The following RIPOR1 variants were observed in gnomAD, a reference collection of about 807,000 sequenced individuals.
The protein encoded by RIPOR1 is RHO family interacting cell polarization regulator 1, also known as rho family-interacting cell polarization regulator 1.
Under a neutral mutation model 116.5 loss-of-function variants are expected in RIPOR1, and 58 were observed. That is an observed-to-expected ratio of 0.50 (90% CI 0.40 to 0.62). The LOEUF is 0.62. Ranked by LOEUF, RIPOR1 falls within the 20% of genes least tolerant of loss-of-function variation. The pLI, the probability that RIPOR1 is intolerant of heterozygous loss-of-function variation, is 0.00. For missense variants in RIPOR1, 1,372 were observed against 1,586.2 expected (o/e 0.86, Z 2.29); for synonymous variants, 605 against 650.0 (o/e 0.93, Z 1.05).
chr16:67,532,703 A>G (rs1292156117), intron 1 of RIPOR1, among the ~76,000 whole-genome samples: 2 of 152,118 alleles, frequency 1.3e-5, no homozygotes, highest in Non-Finnish European at 2.9e-5. Context: ...ACACAGCCTC[A>G]GGTTTCTCAG....
rs2050876047 is a variant in RIPOR1, at chr16:67,538,664, T to C, written c.105-8T>C. 5.6e-6 allele frequency: 9 copies of C among 1,612,224 alleles called. No individual in the cohort carries two copies. Among genetic ancestry groups the C allele is most frequent in the Non-Finnish European group, 7.6e-6 (9 of 1,179,472 alleles). ...CTCTCCTCTTTCTGAGGACAGCCTC[T>C]CCTTCAGGAGTTTCCCGGTCTTCAG... On this transcript the variant is annotated splice_region_variant and splice_polypyrimidine_tract_variant and intron_variant, in intron 2 of 21. Transcript: ENST00000042381.
rs200922092 is a variant in RIPOR1 at position 67,542,992 on chromosome 16, C to G, written c.2206C>G (p.Pro736Ala). 56 of 1,571,826 alleles carry G rather than the reference C, an allele frequency of 3.6e-5. No individual in the cohort carries two copies. The highest frequency in any genetic ancestry group is 1.7e-4 in the Middle Eastern group (1 of 5,846). ...HPSPAHSSRKPLTSPAPDPSE... is the reference protein window; with the variant it reads ...HPSPAHSSRKALTSPAPDPSE... ...AAGTCCTGCCCATTCCAGTAGGAAA[C>G]CCCTCACAAGCCCTGCCCCAGATCC... is the stretch of plus-strand genomic sequence containing the variant. The change falls in exon 13 of 22, where the codon CCC becomes GCC. Residue 736 changes from proline to alanine, a missense_variant. Pro to Ala is a conservative substitution (Grantham distance 27). Transcript: ENST00000042381. The surrounding 1 kb of genome is among the most constrained non-coding windows in gnomAD (Gnocchi z 4.6).
rs2050832811 is a variant in RIPOR1 at position 67,537,667 on chromosome 16, C to T, written c.-23-757C>T. On this transcript the variant is annotated intron_variant, in intron 1 of 21. Transcript: ENST00000042381. This position sits in a 1 kb window ranked among gnomAD's most constrained non-coding sequence, Gnocchi z 4.6. Reference sequence around the variant, plus strand: ...GGGGAAGCAGGCCGGGTTTGGGGGCCAGGAGTGTGTGTTTCGCCGAAGCGG... The same window carrying T: ...GGGGAAGCAGGCCGGGTTTGGGGGCTAGGAGTGTGTGTTTCGCCGAAGCGG... 1.8e-6 allele frequency: 2 copies of T among 1,115,610 alleles called. No individual in the cohort carries two copies. The highest frequency in any genetic ancestry group is 3.9e-5 in the Admixed American group (1 of 25,748). 69.1% of individuals were successfully genotyped at this position (1,115,610 alleles called of 1,614,324 possible).
At chr16:67,534,450 C>A (rs543789087) in intron 1 of RIPOR1, among the ~76,000 whole-genome samples, 1 of 152,306 alleles carries the variant, frequency 6.6e-6, no homozygotes, top group African/African-American at 2.4e-5. Context: ...ACCAATTTTA[C>A]ATTGAAATAT....
chr16:67,531,504 G>T lies in RIPOR1; in HGVS notation c.-24+2590G>T. The T allele has an allele frequency of 2.5e-6, 1 of 397,792 alleles. No individual in the cohort carries two copies. The highest frequency in any genetic ancestry group is 1.8e-5 in the South Asian group (1 of 57,132). 24.6% of individuals were successfully genotyped at this position (397,792 alleles called of 1,614,324 possible). ...AAGTCAAAAAGGGGGAACCAACCCA[G>T]GGCCTGCTTCCTGGAGGAAGAAGTC... On this transcript the variant is annotated intron_variant, in intron 1 of 21. Coordinates refer to ENST00000042381, the MANE Select transcript of RIPOR1 (RefSeq NM_024519.4). This position sits in a 1 kb window ranked among gnomAD's most constrained non-coding sequence, Gnocchi z 4.2.
chr16:67,535,788 G>A (rs1419630748), intron 1 of RIPOR1, among the ~76,000 whole-genome samples: 1 of 152,220 alleles, frequency 6.6e-6, no homozygotes, highest in East Asian at 1.9e-4. Flanking sequence ...TGATAAGGCT[G>A]GGGATGGCTG....
chr16:67,533,023 G>C (rs1166493535), intron 1 of RIPOR1, among the ~76,000 whole-genome samples: 2 of 152,128 alleles, frequency 1.3e-5, no homozygotes, highest in Admixed American at 1.3e-4. Context: ...AGGTGAGGGG[G>C]CAGATTGCAG....
Position 67,536,074 on chromosome 16 carries a change from G to A in RIPOR1, c.-23-2350G>A, listed in dbSNP as rs545082615. 4.6e-5 allele frequency among the ~76,000 whole-genome samples: 7 copies of A among 152,284 alleles called. No homozygotes were observed. In the South Asian group the frequency reaches 1.4e-3, roughly 32 times the overall value. ...GAGCAAGAGTGTTTATGGGATGGGG[G>A]AGCATCCAGCCCCTCCAAGGTCAAG... On this transcript the variant is annotated intron_variant, in intron 1 of 21. Transcript: ENST00000042381.
Position 67,543,135 on chromosome 16 carries a change from A to G in RIPOR1, c.2349A>G (p.Gly783=). 1 of 1,524,510 alleles carries G rather than the reference A, an allele frequency of 6.6e-7. No individual in the cohort carries two copies. Among genetic ancestry groups the G allele is most frequent in the African/African-American group, 1.4e-5 (1 of 72,012 alleles). 94.4% of individuals were successfully genotyped at this position (1,524,510 alleles called of 1,614,324 possible). A position where few individuals can be genotyped will look rare whatever the true frequency, so the allele number is the denominator to read the frequency against. ...AVQTPVPTAA[G]GSGDRSLEEA... ...AGACCCCAGTCCCAACGGCAGCCGG[A>G]GGGTCTGGGGACAGGAGCCTGGAGG... The change falls in exon 13 of 22, where the codon GGA becomes GGG. Residue 783 remains glycine (G), a synonymous_variant. Coordinates refer to ENST00000042381, the MANE Select transcript of RIPOR1 (RefSeq NM_024519.4). This position sits in a 1 kb window ranked among gnomAD's most constrained non-coding sequence, Gnocchi z 4.7.
At position 67,541,325 on chromosome 16, in the gene RIPOR1, C is replaced by T. The variant is rs1241778247; in HGVS notation, c.802-105C>T. Reference sequence around the variant, plus strand: ...CCTTAAGTGATCCTCCTGCCTCAGCCTCCCATGACCATTTTATAAGTTCTA... The same window carrying T: ...CCTTAAGTGATCCTCCTGCCTCAGCTTCCCATGACCATTTTATAAGTTCTA... On this transcript the variant is annotated intron_variant, in intron 10 of 21. Transcript: ENST00000042381. This position sits in a 1 kb window ranked among gnomAD's most constrained non-coding sequence, Gnocchi z 4.6. 2.3e-6 allele frequency: 3 copies of T among 1,332,494 alleles called. No individual in the cohort carries two copies. The highest frequency in any genetic ancestry group is 1.0e-6 in the Non-Finnish European group (1 of 968,686). The allele number at this position is 1,332,494 out of a possible 1,614,324, so 82.5% of individuals were successfully genotyped here. A position where few individuals can be genotyped will look rare whatever the true frequency, so the allele number is the denominator to read the frequency against.
chr16:67,534,827 CT>C lies in RIPOR1; in HGVS notation c.-23-3590del, dbSNP rs1397251708. On this transcript the variant is annotated intron_variant, in intron 1 of 21. Coordinates refer to ENST00000042381, the MANE Select transcript of RIPOR1 (RefSeq NM_024519.4). ...GCATCTGGACAGTTTCTAGGGTTTT[CT>C]TTTTTTCTTTTTTTTTTTTTTTTTT... Among the ~76,000 whole-genome samples the C allele has an allele frequency of 5.9e-5, 7 of 119,576 alleles. No individual in the cohort carries two copies. In the East Asian group the frequency reaches 7.1e-4, roughly 12 times the overall value. 78.4% of individuals were successfully genotyped at this position (119,576 alleles called of 152,430 possible).
intron 1 of RIPOR1, among the ~76,000 whole-genome samples, chr16:67,523,108 C>G (rs2050508401): frequency 6.6e-6 from 1 of 152,204 alleles, no homozygotes; most frequent in Non-Finnish European, 1.5e-5. Flanking sequence ...TGGTCTGTCA[C>G]TGTGTCCCCA....
At chr16:67,527,672 C>G (rs35920865), upstream of RIPOR1, among the ~76,000 whole-genome samples, 2 of 151,828 alleles carry the variant, frequency 1.3e-5, no homozygotes, top group African/African-American at 4.8e-5. Context: ...GTCAGGAGAT[C>G]GAGACCATCC....
upstream of RIPOR1, among the ~76,000 whole-genome samples, chr16:67,526,451 T>C (rs567575060): frequency 2.0e-5 from 3 of 151,940 alleles, no homozygotes; most frequent in South Asian, 6.2e-4. Context: ...GTGGGCATGG[T>C]AGGGGGAGGG....
upstream of RIPOR1, among the ~76,000 whole-genome samples, chr16:67,523,826 C>T (rs1567558307): frequency 1.3e-5 from 2 of 151,870 alleles, no homozygotes; most frequent in African/African-American, 2.4e-5. Flanking sequence ...TACAGGCATG[C>T]GCCACCATGG....
Position 67,545,929 on chromosome 16 carries a change from G to A in RIPOR1, c.3388-20G>A, listed in dbSNP as rs2142635018. ...GGACTCCCACTGTCTGGCTAAGTCT[G>A]TCCTCCCACCCTTCCACAGGCCCTC... On this transcript the variant is annotated intron_variant, in intron 19 of 21. Transcript: ENST00000042381. The surrounding 1 kb of genome is among the most constrained non-coding windows in gnomAD (Gnocchi z 4.8). 1 of 1,613,842 alleles carries A rather than the reference G, an allele frequency of 6.2e-7. No individual in the cohort carries two copies. Among genetic ancestry groups the A allele is most frequent in the South Asian group, 1.1e-5 (1 of 91,080 alleles).
In RIPOR1 at chr16:67,546,162, C is replaced by T. The variant is rs199609833; in HGVS notation, c.3493C>T (p.Leu1165=). The T allele has an allele frequency of 5.6e-5, 91 of 1,614,098 alleles. No individual in the cohort carries two copies. In the African/African-American group the frequency reaches 6.9e-4, roughly 12 times the overall value. ...CIKAPEGIEP[L]VYLCQTDTEA... is the part of the protein sequence containing the mutation. ...ACAGGCTCCCGAGGGCATTGAGCCC[C>T]TGGTGTACCTCTGCCAAACTGACAC... The change falls in exon 21 of 22, where the codon CTG becomes TTG. Residue 1165 remains leucine (L), a synonymous_variant. Transcript: ENST00000042381.
chr16:67,544,535 C>G lies in RIPOR1; in HGVS notation c.2733+104C>G. 1 of 1,534,874 alleles carries G rather than the reference C, an allele frequency of 6.5e-7. No individual in the cohort carries two copies. The highest frequency in any genetic ancestry group is 2.3e-5 in the East Asian group (1 of 44,148). On this transcript the variant is annotated intron_variant, in intron 15 of 21. Transcript: ENST00000042381. The surrounding 1 kb of genome is among the most constrained non-coding windows in gnomAD (Gnocchi z 5.1). Reference sequence around the variant, plus strand: ...TATACCTCCTCTGAGTGCCACACCCCAGTGCCCCAGGGCCCTTGGCATCTG... The same window carrying G: ...TATACCTCCTCTGAGTGCCACACCCGAGTGCCCCAGGGCCCTTGGCATCTG...
chr16:67,530,675 A>C lies in RIPOR1; in HGVS notation c.-24+1761A>C, dbSNP rs1165429759. Among the ~76,000 whole-genome samples the C allele has an allele frequency of 1.3e-5, 2 of 152,140 alleles. No homozygotes were observed. Among genetic ancestry groups the C allele is most frequent in the Non-Finnish European group, 2.9e-5 (2 of 67,998 alleles). ...GGTGTGCCAGTCTTGGTGTGTAGGA[A>C]GTATAGCGGGGCTGCAAGATCTGGG... is the stretch of plus-strand genomic sequence containing the variant. On this transcript the variant is annotated intron_variant, in intron 1 of 21. Transcript: ENST00000042381. This position sits in a 1 kb window ranked among gnomAD's most constrained non-coding sequence, Gnocchi z 4.5.
Sources: allele counts gnomAD v4.1 joint callset (sites outside exome capture counted in the v4.1 genomes callset), GRCh38; gene constraint gnomAD v4.1.1; non-coding constraint Gnocchi (gnomAD v3.1); transcripts MANE v1.5; gene names NCBI Gene and HGNC (gene_info 2026-07-23, HGNC 2026-07-21).